NCR1: variants seen among roughly 807,000 people sequenced by gnomAD.
NCR1 encodes the protein natural cytotoxicity triggering receptor 1.
In NCR1, 30 loss-of-function variants were observed where a neutral mutation model predicts 32.5. The ratio of observed to expected loss-of-function variants is 0.92; its 90% CI spans 0.69 to 1.25. The LOEUF (loss-of-function observed/expected upper bound fraction) is 1.25, where lower values mean the gene tolerates loss of function less well. Ranked by LOEUF, NCR1 falls within the 50% of genes most tolerant of loss-of-function variation. The pLI, the probability that NCR1 is intolerant of heterozygous loss-of-function variation, is 0.00. For missense variants in NCR1, 369 were observed against 380.7 expected (o/e 0.97, Z 0.26); for synonymous variants, 169 against 143.4 (o/e 1.18, Z -1.28).
downstream of NCR1, among the ~76,000 whole-genome samples, chr19:54,918,891 G>A (rs958412638): frequency 5.9e-5 from 9 of 151,790 alleles, no homozygotes; most frequent in Admixed American, 3.9e-4. Context: ...GGCTGAGGTT[G>A]GAGAATCGCT....
the NCR1 span, chr19:54,930,428 C>T: frequency 8.9e-7 from 1 of 1,122,340 alleles, no homozygotes; most frequent in East Asian, 2.4e-5. Context: ...CCCCACTGCA[C>T]TCCAGGCTGG....
At chr19:54,931,666 C>CAAG in the NCR1 span, among the ~76,000 whole-genome samples, 100,446 of 144,812 alleles carry the variant, frequency 0.69, 35,676 homozygotes, top group African/African-American at 0.87. Flanking sequence ...CCAGCCTGGG[C>CAAG]AAGAGCGAAA....
chr19:54,937,345 C>T, the NCR1 span, among the ~76,000 whole-genome samples: 1 of 151,812 alleles, frequency 6.6e-6, no homozygotes, highest in South Asian at 2.1e-4. Flanking sequence ...GTGTAACTAA[C>T]CTGTACTTGT....
At chr19:54,918,167 C>T (rs990239955), downstream of NCR1, among the ~76,000 whole-genome samples, 1 of 151,996 alleles carries the variant, frequency 6.6e-6, no homozygotes, top group Non-Finnish European at 1.5e-5. Flanking sequence ...GATCTGACCT[C>T]GTGATCCTCC....
downstream of NCR1, among the ~76,000 whole-genome samples, chr19:54,919,437 AGAGG>A (rs372449551): frequency 1.1e-3 from 166 of 149,914 alleles, no homozygotes; most frequent in African/African-American, 3.9e-3. Context: ...GCCGAGGCAG[AGAGG>A]GAGAGGAGAC....
At chr19:54,927,875 T>G in the NCR1 span, 1 of 994,206 alleles carries the variant, frequency 1.0e-6, no homozygotes. Flanking sequence ...GTGGATCACT[T>G]GAGGCCAGGT....
chr19:54,909,590 CAG>C (rs1454297588), intron 4 of NCR1, 67 bp downstream of exon 4: 41 of 1,536,202 alleles, frequency 2.7e-5, no homozygotes, highest in Non-Finnish European at 3.6e-5. Context: ...GAGGGATCCC[CAG>C]AGAGTGATGG....
At chr19:54,908,516 G>C (rs191123685) in intron 3 of NCR1, among the ~76,000 whole-genome samples, 1 of 152,064 alleles carries the variant, frequency 6.6e-6, no homozygotes, top group Admixed American at 6.6e-5. Flanking sequence ...CCTCCCAGAC[G>C]GGGTGGCGGC....
At chr19:54,936,278 G>A in the NCR1 span, 32 of 1,613,328 alleles carry the variant, frequency 2.0e-5, no homozygotes, top group Middle Eastern at 7.2e-4. Flanking sequence ...ACTGCAGGTT[G>A]CATTTATGAT....
intron 5 of NCR1, among the ~76,000 whole-genome samples, chr19:54,910,996 G>T (rs1383801564): frequency 6.6e-6 from 1 of 152,150 alleles, no homozygotes; most frequent in Non-Finnish European, 1.5e-5. Context: ...GGCCAGGAGG[G>T]TTGAAAATGA....
At chr19:54,931,682 T>A in the NCR1 span, among the ~76,000 whole-genome samples, 2 of 101,674 alleles carry the variant, frequency 2.0e-5, no homozygotes, top group Non-Finnish European at 3.8e-5. Context: ...CGAAACTCCA[T>A]CTCAAAAAAA....
chr19:54,898,838 G>A, the NCR1 span, among the ~76,000 whole-genome samples: 2 of 152,160 alleles, frequency 1.3e-5, no homozygotes, highest in African/African-American at 4.8e-5. Context: ...AGAGGAAATT[G>A]CTGGGCAGTT....
At chr19:54,922,783 AAAAAAAC>A in the NCR1 span, among the ~76,000 whole-genome samples, 1,399 of 108,196 alleles carry the variant, frequency 0.013, 51 homozygotes, top group African/African-American at 0.031. Context: ...CGTCTCAAAA[AAAAAAAC>A]AAAAAAAAAA....
In NCR1 at chr19:54,906,774, G is replaced by C. The variant is rs1194601045; in HGVS notation, c.322G>C (p.Glu108Gln). 3 of 1,614,206 alleles carry C rather than the reference G, an allele frequency of 1.9e-6. No homozygotes were observed. Among genetic ancestry groups the C allele is most frequent in the East Asian group, 2.2e-5 (1 of 44,874 alleles). ...CTATCGGGTTGGGGAGCTCTGGTCA[G>C]AGCCCAGCAACTTGCTGGATCTGGT... ...CIYRVGELWSEPSNLLDLVVT... is the reference protein window; with the variant it reads ...CIYRVGELWSQPSNLLDLVVT... The change falls in exon 3 of 7, where the codon GAG becomes CAG. Residue 108 changes from glutamate to glutamine, a missense_variant. By Grantham distance (29) the Glu-to-Gln change is conservative. Transcript: ENST00000291890.
the NCR1 span, chr19:54,933,818 AG>A: frequency 8.2e-7 from 1 of 1,226,400 alleles, no homozygotes; most frequent in Non-Finnish European, 1.2e-6. Context: ...TCCACATGCT[AG>A]GGTACTCAGC....
chr19:54,900,622 C>T, the NCR1 span, among the ~76,000 whole-genome samples: 2 of 152,058 alleles, frequency 1.3e-5, no homozygotes, highest in African/African-American at 4.8e-5. Flanking sequence ...ACCTGGTGAT[C>T]CGCACACCTC....
At chr19:54,907,566 T>C (rs2067701811) in intron 3 of NCR1, among the ~76,000 whole-genome samples, 2 of 151,568 alleles carry the variant, frequency 1.3e-5, no homozygotes, top group Admixed American at 1.3e-4. Flanking sequence ...CATAATTGTA[T>C]GTGCTATACA....
the NCR1 span, chr19:54,930,599 T>C: frequency 2.5e-6 from 4 of 1,612,286 alleles, no homozygotes; most frequent in Non-Finnish European, 3.4e-6. Flanking sequence ...TTTGTGAGGC[T>C]GCAGGCTTCT....
At chr19:54,921,818 A>G in the NCR1 span, among the ~76,000 whole-genome samples, 1 of 151,098 alleles carries the variant, frequency 6.6e-6, no homozygotes, top group Non-Finnish European at 1.5e-5. Context: ...TTGTCATACA[A>G]GCTTTCAACC....
Sources: gnomAD v4.1 joint callset for allele counts (sites outside exome capture counted in the v4.1 genomes callset) on GRCh38, gnomAD v4.1.1 for gene constraint, MANE v1.5 for transcripts, NCBI Gene and HGNC (gene_info 2026-07-23, HGNC 2026-07-21) for gene names.